SBF2: variants seen among roughly 807,000 people sequenced by gnomAD.
The protein encoded by SBF2 is myotubularin-related protein 13.
SBF2 carries 112 observed loss-of-function variants against 225.2 expected under a neutral mutation model. That is an observed-to-expected ratio of 0.50 (90% CI 0.43 to 0.58). The LOEUF is 0.58. Among genes scored for constraint, SBF2 ranks in the 20% least tolerant of loss-of-function variants. SBF2 has a pLI of 0.00. For missense variants in SBF2, 1,996 were observed against 2,206.2 expected (o/e 0.90, Z 1.91); for synonymous variants, 763 against 773.3 (o/e 0.99, Z 0.22).
chr11:10,140,568 T>G (rs1954596771), intron 2 of SBF2, among the ~76,000 whole-genome samples: 1 of 152,188 alleles, frequency 6.6e-6, no homozygotes, highest in South Asian at 2.1e-4. Context: ...TATTCCTGAG[T>G]TGTATTCTAT....
chr11:9,813,574 C>T (rs576719403), intron 29 of SBF2, among the ~76,000 whole-genome samples: 2 of 152,288 alleles, frequency 1.3e-5, no homozygotes, highest in Non-Finnish European at 2.9e-5. Context: ...GATCCGCCCA[C>T]CTCGGCCTCC....
chr11:9,929,069 T>C (rs1045488016), intron 16 of SBF2: 1 of 423,622 alleles, frequency 2.4e-6, no homozygotes, highest in Non-Finnish European at 4.6e-6. Context: ...AAGAGGAAGA[T>C]GAGGAGTGTA....
chr11:9,914,340 G>A (rs1036598169), intron 16 of SBF2, among the ~76,000 whole-genome samples: 3 of 152,160 alleles, frequency 2.0e-5, no homozygotes, highest in South Asian at 2.1e-4. Flanking sequence ...GTGGTAGACC[G>A]GTCATGGCTG....
At chr11:10,002,780 A>G in intron 6 of SBF2, 91 bp from the exon 7 acceptor site, 1 of 1,260,006 alleles carries the variant, frequency 7.9e-7, no homozygotes, top group East Asian at 2.3e-5. Flanking sequence ...AGAAAAAGCC[A>G]GTAATTTTGG....
Position 10,036,033 on chromosome 11 carries a change from C to T in SBF2, c.280-4863G>A, listed in dbSNP as rs148259300. Among the ~76,000 whole-genome samples, 17 of 152,118 alleles carry T rather than the reference C, an allele frequency of 1.1e-4. 1 individual carries two copies. The highest frequency in any genetic ancestry group is 3.4e-4 in the African/African-American group (14 of 41,486). On this transcript the variant is annotated intron_variant, in intron 3 of 39. Coordinates refer to ENST00000256190, the MANE Select transcript of SBF2 (RefSeq NM_030962.4). Reference sequence around the variant, plus strand: ...ACCCATATGTCCACCAATAATAGATCGGATTAAGCAAATGTGGCACATATA... The same window carrying T: ...ACCCATATGTCCACCAATAATAGATTGGATTAAGCAAATGTGGCACATATA...
At chr11:10,235,087 A>T (rs1959009918) in intron 1 of SBF2, among the ~76,000 whole-genome samples, 1 of 152,236 alleles carries the variant, frequency 6.6e-6, no homozygotes, top group East Asian at 1.9e-4. Context: ...TCCTTACGGT[A>T]CTTATAAAGA....
intron 28 of SBF2, chr11:9,819,520 CCT>C (rs1378286131): frequency 6.6e-6 from 1 of 152,052 alleles, no homozygotes; most frequent in Non-Finnish European, 1.5e-5. Flanking sequence ...AATTTCAGCA[CCT>C]GTTTATAAAT....
At chr11:10,054,993 T>C (rs1950201393) in intron 2 of SBF2, among the ~76,000 whole-genome samples, 1 of 152,114 alleles carries the variant, frequency 6.6e-6, no homozygotes, top group Non-Finnish European at 1.5e-5. Context: ...CACTGCAACC[T>C]CCACCTCCCA....
chr11:10,043,668 G>A lies in SBF2; in HGVS notation c.142-687C>T, dbSNP rs1590824052. Among the ~76,000 whole-genome samples the A allele has an allele frequency of 2.6e-5, 4 of 152,146 alleles. No homozygotes were observed. The South Asian group carries it at 8.3e-4, about 32-fold the overall frequency. Reference sequence around the variant, plus strand: ...CAGCTCACTTTAACCCCAACCCCCTGGGCTCAGGCGATTCTCCCATCTCAG... The same window carrying A: ...CAGCTCACTTTAACCCCAACCCCCTAGGCTCAGGCGATTCTCCCATCTCAG... On this transcript the variant is annotated intron_variant, in intron 2 of 39. Coordinates refer to ENST00000256190, the MANE Select transcript of SBF2 (RefSeq NM_030962.4).
chr11:10,300,817 T>C (rs534747498), intron 1 of SBF2, among the ~76,000 whole-genome samples: 66 of 151,854 alleles, frequency 4.3e-4, no homozygotes, highest in Admixed American at 3.0e-3. Context: ...CTCTCTTTTT[T>C]TTTTTTTTTC....
chr11:10,226,577 G>A (rs898523515), intron 1 of SBF2, among the ~76,000 whole-genome samples: 1 of 151,528 alleles, frequency 6.6e-6, no homozygotes, highest in South Asian at 2.1e-4. Flanking sequence ...AGAACATGAG[G>A]TGTTTGGTTT....
intron 2 of SBF2, among the ~76,000 whole-genome samples, chr11:10,051,703 A>C (rs955869181): frequency 3.3e-5 from 5 of 152,138 alleles, no homozygotes; most frequent in African/African-American, 1.2e-4. Context: ...TCTCAAATAA[A>C]ATACAGTAAC....
chr11:9,949,351 G>A (rs537066128), intron 16 of SBF2, among the ~76,000 whole-genome samples: 1 of 152,124 alleles, frequency 6.6e-6, no homozygotes, highest in East Asian at 1.9e-4. Flanking sequence ...TAATAACATT[G>A]TTAATAGTGT....
chr11:10,023,929 A>G (rs1948952235), intron 6 of SBF2, among the ~76,000 whole-genome samples: 1 of 152,060 alleles, frequency 6.6e-6, no homozygotes, highest in African/African-American at 2.4e-5. Flanking sequence ...CATCACCACA[A>G]TCAAGACTGT....
chr11:10,013,113 T>C (rs1348338657), intron 6 of SBF2, among the ~76,000 whole-genome samples: 2 of 152,238 alleles, frequency 1.3e-5, no homozygotes, highest in East Asian at 1.9e-4. Context: ...TATAGAGACA[T>C]TGTCTAGTTC....
chr11:10,273,116 C>T (rs1012396317), intron 1 of SBF2, among the ~76,000 whole-genome samples: 2 of 151,884 alleles, frequency 1.3e-5, no homozygotes, highest in Non-Finnish European at 2.9e-5. Context: ...TAAATAAATC[C>T]CTGGAGTGAG....
chr11:10,124,783 T>C (rs530552716), intron 2 of SBF2, among the ~76,000 whole-genome samples: 11 of 152,144 alleles, frequency 7.2e-5, no homozygotes, highest in African/African-American at 2.4e-4. Context: ...CAAAAAAATA[T>C]ATATACTCAT....
At chr11:10,119,672 T>C (rs1442732) in intron 2 of SBF2, among the ~76,000 whole-genome samples, 5,566 of 152,266 alleles carry the variant, frequency 0.037, 335 homozygotes, top group East Asian at 0.19. Context: ...AATTGCTTAG[T>C]AAATTGGAGT....
intron 34 of SBF2, 82 bp from the exon 35 acceptor site, chr11:9,789,424 T>C: frequency 7.4e-6 from 7 of 947,194 alleles, no homozygotes; most frequent in South Asian, 5.3e-5. Flanking sequence ...CTAACATTTA[T>C]AGAGTCCAGG....
Sources: gnomAD v4.1 joint callset for allele counts (sites outside exome capture counted in the v4.1 genomes callset) on GRCh38, gnomAD v4.1.1 for gene constraint, MANE v1.5 for transcripts, NCBI Gene and HGNC (gene_info 2026-07-23, HGNC 2026-07-21) for gene names.